Variants in PIK3C2G observed in about 807,000 individuals in gnomAD.
The protein encoded by PIK3C2G is phosphatidylinositol-4-phosphate 3-kinase catalytic subunit type 2 gamma, also known as phosphatidylinositol 3-kinase C2 domain-containing subunit gamma.
Under a neutral mutation model 181.1 loss-of-function variants are expected in PIK3C2G, and 168 were observed. The ratio of observed to expected loss-of-function variants is 0.93; its 90% confidence interval spans 0.82 to 1.05. The LOEUF is 1.05. Among genes scored for constraint, PIK3C2G ranks in the 50% least tolerant of loss-of-function variants. The probability of loss-of-function intolerance (pLI) is 0.00; values close to 1 mark genes in which losing one functional copy is unlikely to be tolerated. For synonymous variants in PIK3C2G, 573 were observed against 592.2 expected, an observed-to-expected ratio of 0.97 and a Z score of 0.47; for missense variants, 1,869 against 1,732.8, an observed-to-expected ratio of 1.08 and a Z score of -1.40.
At chr12:18,565,843 A>T (rs1298663573) in intron 28 of PIK3C2G, among the ~76,000 whole-genome samples, 3 of 152,202 alleles carry the variant, frequency 2.0e-5, no homozygotes, top group Non-Finnish European at 4.4e-5. Context: ...TCACACGGAC[A>T]TGTGAATTAA....
intron 26 of PIK3C2G, among the ~76,000 whole-genome samples, chr12:18,547,612 T>C (rs1171108880): frequency 6.6e-6 from 1 of 151,714 alleles, no homozygotes. Context: ...AATTATATGA[T>C]ATGATTATGG....
At chr12:18,263,823 T>C (rs117809391) in intron 1 of PIK3C2G, among the ~76,000 whole-genome samples, 151 of 152,312 alleles carry the variant, frequency 9.9e-4, no homozygotes, top group Non-Finnish European at 1.8e-3. Flanking sequence ...ATTTAGCTTT[T>C]TTTCTTAATA....
intron 12 of PIK3C2G, among the ~76,000 whole-genome samples, chr12:18,363,284 G>A (rs532148639): frequency 3.2e-4 from 49 of 152,204 alleles, no homozygotes; most frequent in African/African-American, 1.1e-3. Flanking sequence ...TCTCACATAA[G>A]CTGAAGTACA....
At position 18,371,090 on chromosome 12, in the gene PIK3C2G, T is replaced by A. The variant is rs962782429; in HGVS notation, c.1749-90T>A. 4 of 1,031,274 alleles carry A rather than the reference T, an allele frequency of 3.9e-6. No homozygotes were observed. The African/African-American group carries it at 6.6e-5, about 17-fold the overall frequency. The allele number at this position is 1,031,274 out of a possible 1,614,324, so 63.9% of individuals were successfully genotyped here. On this transcript the variant is annotated intron_variant, in intron 12 of 32. Transcript: ENST00000538779. ...GCCTCAATTCAAATAGTTAAATATC[T>A]TTGTCCCAGACCAGTACATTATAAG... is the stretch of plus-strand genomic sequence containing the variant.
chr12:18,574,077 A>AGGTTCTCATATCATCATCCTG (rs1188819451), intron 29 of PIK3C2G, among the ~76,000 whole-genome samples: 2 of 152,184 alleles, frequency 1.3e-5, no homozygotes, highest in African/African-American at 4.8e-5. Context: ...CTTTACTGTT[A>AGGTTCTCATATCATCATCCTG]GGTTCTCATA....
chr12:18,675,884 G>A, the PIK3C2G span, among the ~76,000 whole-genome samples: 4 of 151,864 alleles, frequency 2.6e-5, no homozygotes, highest in Admixed American at 2.0e-4. Flanking sequence ...TGGGAGGGGG[G>A]TGAGGTTTGA....
intron 25 of PIK3C2G, among the ~76,000 whole-genome samples, chr12:18,546,058 T>C (rs1944405207): frequency 6.6e-6 from 1 of 151,946 alleles, no homozygotes; most frequent in African/African-American, 2.4e-5. Flanking sequence ...TGGTTTATGA[T>C]GAGAATAAAA....
At chr12:18,518,628 CTTCTT>C (rs796863014) in intron 24 of PIK3C2G, among the ~76,000 whole-genome samples, 12 of 151,854 alleles carry the variant, frequency 7.9e-5, no homozygotes, top group African/African-American at 2.9e-4. Flanking sequence ...TCTCTCTTTT[CTTCTT>C]TATTATTCTA....
At chr12:18,264,120 A>G (rs1565530849) in intron 1 of PIK3C2G, among the ~76,000 whole-genome samples, 1 of 152,128 alleles carries the variant, frequency 6.6e-6, no homozygotes, top group Non-Finnish European at 1.5e-5. Flanking sequence ...TATTATCTGA[A>G]TATACATGTA....
intron 24 of PIK3C2G, among the ~76,000 whole-genome samples, chr12:18,523,010 G>A (rs1241481115): frequency 5.9e-5 from 9 of 151,506 alleles, no homozygotes; most frequent in African/African-American, 1.5e-4. Flanking sequence ...TCTTTTGCTC[G>A]ATCATGTCTA....
At chr12:18,496,236 C>T (rs918883252) in intron 21 of PIK3C2G, 82 bp downstream of exon 21, 1 of 823,734 alleles carries the variant, frequency 1.2e-6, no homozygotes, top group African/African-American at 1.8e-5. Flanking sequence ...ATTGTTGTGG[C>T]TATTTTCCTC....
chr12:18,274,809 TA>T (rs895164884), intron 1 of PIK3C2G, among the ~76,000 whole-genome samples: 15 of 151,862 alleles, frequency 9.9e-5, no homozygotes, highest in Admixed American at 3.3e-4. Flanking sequence ...ATAATAATAA[TA>T]AAAAAAAGCC....
intron 22 of PIK3C2G, among the ~76,000 whole-genome samples, chr12:18,500,391 G>T (rs923220891): frequency 3.9e-5 from 6 of 152,190 alleles, no homozygotes; most frequent in African/African-American, 7.2e-5. Context: ...GCGGGGCAAG[G>T]CTCGGGACCT....
At chr12:18,264,332 A>G (rs1948383440) in intron 1 of PIK3C2G, among the ~76,000 whole-genome samples, 1 of 152,090 alleles carries the variant, frequency 6.6e-6, no homozygotes. Flanking sequence ...GTCCAGAATT[A>G]TCCACGTATT....
intron 13 of PIK3C2G, among the ~76,000 whole-genome samples, chr12:18,378,156 C>A (rs574760803): frequency 6.6e-6 from 1 of 152,276 alleles, no homozygotes; most frequent in African/African-American, 2.4e-5. Context: ...ATTCTTGAGT[C>A]CCCTCATCTT....
At chr12:18,431,135 T>C (rs1304664826) in intron 18 of PIK3C2G, among the ~76,000 whole-genome samples, 4 of 152,220 alleles carry the variant, frequency 2.6e-5, no homozygotes, top group African/African-American at 9.7e-5. Flanking sequence ...TTCTCTCATT[T>C]GCAAGTCACT....
intron 18 of PIK3C2G, among the ~76,000 whole-genome samples, chr12:18,440,472 T>A (rs1206959308): frequency 6.6e-6 from 1 of 152,088 alleles, no homozygotes; most frequent in East Asian, 1.9e-4. Flanking sequence ...GTCAGGTAGT[T>A]GCAATTTTAA....
intron 24 of PIK3C2G, among the ~76,000 whole-genome samples, chr12:18,511,875 C>A (rs1942232026): frequency 6.6e-6 from 1 of 151,644 alleles, no homozygotes; most frequent in Non-Finnish European, 1.5e-5. Context: ...GGGGTCTTAT[C>A]CAAAAAAAAT....
the PIK3C2G span, among the ~76,000 whole-genome samples, chr12:18,703,586 C>G: frequency 6.6e-6 from 1 of 152,168 alleles, no homozygotes; most frequent in Non-Finnish European, 1.5e-5. Flanking sequence ...TTGTGATTAC[C>G]TCTTTACAAT....
Sources: gnomAD v4.1 joint callset for allele counts (sites outside exome capture counted in the v4.1 genomes callset) on GRCh38, gnomAD v4.1.1 for gene constraint, MANE v1.5 for transcripts, NCBI Gene and HGNC (gene_info 2026-07-23, HGNC 2026-07-21) for gene names.